Variants in MCPH1 observed in about 807,000 individuals in gnomAD.
The protein encoded by MCPH1 is microcephalin 1.
MCPH1 carries 104 observed loss-of-function variants against 84.5 expected under a neutral mutation model. That is an observed-to-expected ratio of 1.23 (90% CI 1.05 to 1.45). MCPH1 has a LOEUF of 1.45. MCPH1 is among the 40% of genes most tolerant of loss of function. MCPH1 has a pLI of 0.00. For missense variants in MCPH1, 1,498 were observed against 1,005.7 expected (o/e 1.49, Z -6.62); for synonymous variants, 514 against 366.8 (o/e 1.40, Z -4.58).
At chr8:6,494,434 C>T (rs1005148264) in intron 11 of MCPH1, 2 of 152,162 alleles carry the variant, frequency 1.3e-5, no homozygotes, top group South Asian at 4.1e-4. Context: ...CACTGCTAAC[C>T]TTGCTACACC....
At chr8:6,437,579 C>T in intron 5 of MCPH1, among the ~76,000 whole-genome samples, 1 of 152,292 alleles carries the variant, frequency 6.6e-6, no homozygotes, top group Middle Eastern at 3.4e-3. Context: ...GGGTAGAACA[C>T]TTAGCCCACA....
chr8:6,547,920 G>C (rs1316568674), intron 12 of MCPH1, among the ~76,000 whole-genome samples: 1 of 149,726 alleles, frequency 6.7e-6, no homozygotes, highest in Non-Finnish European at 1.5e-5. Context: ...ACTCACTGTG[G>C]TTACTTCTCT....
At chr8:6,485,643 T>C (rs891212858) in intron 11 of MCPH1, among the ~76,000 whole-genome samples, 1 of 152,210 alleles carries the variant, frequency 6.6e-6, no homozygotes, top group African/African-American at 2.4e-5. Flanking sequence ...TATGTCTGTA[T>C]TGCCCTTGCC....
At chr8:6,489,525 T>C (rs1412952809) in intron 11 of MCPH1, among the ~76,000 whole-genome samples, 1 of 152,200 alleles carries the variant, frequency 6.6e-6, no homozygotes, top group East Asian at 1.9e-4. Context: ...GCAGGATGAA[T>C]CCAATGACTA....
intron 11 of MCPH1, among the ~76,000 whole-genome samples, chr8:6,492,774 C>A (rs1236508618): frequency 1.3e-5 from 2 of 149,240 alleles, no homozygotes; most frequent in African/African-American, 2.4e-5. Context: ...AATTAATAAT[C>A]TTTCATTATT....
intron 11 of MCPH1, chr8:6,494,581 C>G (rs1207324313): frequency 6.6e-6 from 1 of 152,336 alleles, no homozygotes; most frequent in African/African-American, 2.4e-5. Context: ...ACGCTGATCA[C>G]TAGCCTTCAT....
chr8:6,502,947 TA>T (rs1812479970), intron 12 of MCPH1: 1 of 804,976 alleles, frequency 1.2e-6, no homozygotes, highest in Non-Finnish European at 1.9e-6. Context: ...TGATAAAGTT[TA>T]CAGGCTCTAA....
At chr8:6,593,518 C>T (rs1419706053) in intron 12 of MCPH1, among the ~76,000 whole-genome samples, 5 of 152,112 alleles carry the variant, frequency 3.3e-5, no homozygotes, top group Admixed American at 2.6e-4. Context: ...CCACGCCTGG[C>T]TAATTTTGTA....
At chr8:6,581,626 CTG>C (rs1340573805) in intron 12 of MCPH1, among the ~76,000 whole-genome samples, 2 of 152,182 alleles carry the variant, frequency 1.3e-5, no homozygotes, top group African/African-American at 2.4e-5. Flanking sequence ...AACACGCAGA[CTG>C]TGTGTGGCTA....
intron 12 of MCPH1, among the ~76,000 whole-genome samples, chr8:6,619,603 A>C (rs1831200380): frequency 6.7e-6 from 1 of 148,564 alleles, no homozygotes; most frequent in Non-Finnish European, 1.5e-5. Context: ...TTTTTTCTTT[A>C]GATAGAGTGT....
intron 9 of MCPH1, among the ~76,000 whole-genome samples, chr8:6,462,210 C>A (rs1031367956): frequency 2.0e-5 from 3 of 152,196 alleles, no homozygotes; most frequent in African/African-American, 7.2e-5. Context: ...GCTTAAATTC[C>A]TGAAAGTTTC....
chr8:6,495,408 G>A (rs1265062681), intron 11 of MCPH1, among the ~76,000 whole-genome samples: 1 of 152,162 alleles, frequency 6.6e-6, no homozygotes, highest in Non-Finnish European at 1.5e-5. Flanking sequence ...TAACCAGTAT[G>A]TTACACTGTC....
chr8:6,434,695 G>T (rs1351685463), intron 4 of MCPH1, among the ~76,000 whole-genome samples: 1 of 152,170 alleles, frequency 6.6e-6, no homozygotes, highest in Non-Finnish European at 1.5e-5. Context: ...ATAGGCATTA[G>T]CCTTGAGTAG....
Position 6,532,368 on chromosome 8 carries a change from C to G in MCPH1, c.2214+32439C>G, listed in dbSNP as rs6559167. On this transcript the variant is annotated intron_variant, in intron 12 of 13. Transcript: ENST00000344683. ...CATCAGTTAACTTCCGCGTTTGCTC[C>G]GCTGTTTGGTTCAACAGGTTTGTCC... The G allele has an allele frequency of 0.3, 486,481 of 1,613,646 alleles. 76,320 individuals carry two copies. Among genetic ancestry groups the G allele is most frequent in the South Asian group, 0.46 (42,296 of 91,038 alleles).
intron 3 of MCPH1, among the ~76,000 whole-genome samples, chr8:6,426,721 T>C (rs757952921): frequency 6.6e-6 from 1 of 152,224 alleles, no homozygotes; most frequent in Non-Finnish European, 1.5e-5. Flanking sequence ...CACTGTATAT[T>C]CCCACCAGCA....
chr8:6,504,073 C>G (rs1300263139), intron 12 of MCPH1, among the ~76,000 whole-genome samples: 1 of 152,166 alleles, frequency 6.6e-6, no homozygotes, highest in African/African-American at 2.4e-5. Context: ...AATCCCAGCA[C>G]TTTGGGAGGC....
intron 12 of MCPH1, among the ~76,000 whole-genome samples, chr8:6,539,042 TGTG>T (rs1821022447): frequency 6.6e-6 from 1 of 152,092 alleles, no homozygotes; most frequent in Admixed American, 6.5e-5. Context: ...TGTGTGTGTG[TGTG>T]TGTGTTTATT....
intron 12 of MCPH1, chr8:6,527,427 A>G: frequency 1.7e-5 from 19 of 1,139,092 alleles, no homozygotes; most frequent in Non-Finnish European, 2.1e-5. Flanking sequence ...CTCCTCCCTC[A>G]TGAGGTTTCT....
chr8:6,425,381 G>C (rs1237385191), intron 3 of MCPH1, among the ~76,000 whole-genome samples: 1 of 152,226 alleles, frequency 6.6e-6, no homozygotes, highest in African/African-American at 2.4e-5. Context: ...GTAGATTTTG[G>C]TTGGACCCCT....
Sources: allele counts gnomAD v4.1 joint callset (sites outside exome capture counted in the v4.1 genomes callset), GRCh38; gene constraint gnomAD v4.1.1; transcripts MANE v1.5; gene names NCBI Gene and HGNC (gene_info 2026-07-23, HGNC 2026-07-21).